LGSN: variants seen among roughly 807,000 people sequenced by gnomAD.
The protein encoded by LGSN is lengsin.
In LGSN, 21 loss-of-function variants were observed where a neutral mutation model predicts 19.5. The ratio of observed to expected loss-of-function variants is 1.07; its 90% CI spans 0.76 to 1.55. The LOEUF is 1.55. Among genes scored for constraint, LGSN ranks in the 40% most tolerant of loss-of-function variants. LGSN has a pLI of 0.00. For missense variants in LGSN, 673 were observed against 608.5 expected (o/e 1.11, Z -1.12); for synonymous variants, 257 against 215.6 (o/e 1.19, Z -1.68).
the LGSN span, among the ~76,000 whole-genome samples, chr6:63,490,371 C>T: frequency 2.0e-5 from 3 of 152,106 alleles, no homozygotes; most frequent in South Asian, 6.2e-4. Flanking sequence ...GGAGAGATTG[C>T]CAACAGATGA....
At chr6:63,423,308 C>T in the LGSN span, among the ~76,000 whole-genome samples, 4 of 152,174 alleles carry the variant, frequency 2.6e-5, no homozygotes, top group South Asian at 8.3e-4. Flanking sequence ...TGTGTCACTG[C>T]ACTCCAGCCT....
chr6:63,454,793 CTTTTTT>C, the LGSN span, among the ~76,000 whole-genome samples: 15 of 91,742 alleles, frequency 1.6e-4, no homozygotes, highest in Non-Finnish European at 2.2e-4. Context: ...TTTTCTTTTT[CTTTTTT>C]TTTTTTTTTT....
At chr6:63,534,819 T>TCTTTAGTAAAGAATTTCATAAAGAATTG in the LGSN span, among the ~76,000 whole-genome samples, 1 of 152,032 alleles carries the variant, frequency 6.6e-6, no homozygotes, top group Non-Finnish European at 1.5e-5. Flanking sequence ...ATAAAGAATT[T>TCTTTAGTAAAGAATTTCATAAAGAATTG]CTTTACTAAA....
the LGSN span, among the ~76,000 whole-genome samples, chr6:63,522,409 G>A: frequency 6.6e-6 from 1 of 152,154 alleles, no homozygotes; most frequent in Non-Finnish European, 1.5e-5. Context: ...AGTCCCTGCA[G>A]GAGATAATTT....
the LGSN span, among the ~76,000 whole-genome samples, chr6:63,364,159 T>C: frequency 2.0e-5 from 3 of 152,110 alleles, no homozygotes; most frequent in South Asian, 2.1e-4. Context: ...TCAAGACCCA[T>C]CAGTGTGCTG....
chr6:63,394,581 G>A, the LGSN span, among the ~76,000 whole-genome samples: 3 of 152,180 alleles, frequency 2.0e-5, no homozygotes, highest in African/African-American at 4.8e-5. Context: ...AGAAATAACC[G>A]TAAAAATAAC....
chr6:63,348,743 T>TC, the LGSN span, among the ~76,000 whole-genome samples: 3 of 140,778 alleles, frequency 2.1e-5, no homozygotes, highest in Admixed American at 7.0e-5. Context: ...GATTTTTACT[T>TC]TTTTTTTTTT....
At chr6:63,512,234 C>A in the LGSN span, among the ~76,000 whole-genome samples, 1 of 152,280 alleles carries the variant, frequency 6.6e-6, no homozygotes, top group East Asian at 1.9e-4. Flanking sequence ...AGGCATGTGC[C>A]ACAGCTGCCA....
the LGSN span, among the ~76,000 whole-genome samples, chr6:63,347,799 G>A: frequency 6.6e-6 from 1 of 152,138 alleles, no homozygotes; most frequent in Non-Finnish European, 1.5e-5. Context: ...AATGACTAAT[G>A]TTTCTGCAGC....
chr6:63,457,353 A>C, the LGSN span, among the ~76,000 whole-genome samples: 2 of 151,974 alleles, frequency 1.3e-5, no homozygotes, highest in South Asian at 4.1e-4. Flanking sequence ...AAAAATACAA[A>C]ATTTAGCCAG....
At chr6:63,309,644 T>C (rs1163344347) in intron 1 of LGSN, among the ~76,000 whole-genome samples, 1 of 152,212 alleles carries the variant, frequency 6.6e-6, no homozygotes, top group Non-Finnish European at 1.5e-5. Flanking sequence ...AAAGTATGTA[T>C]ACATTATGGA....
At chr6:63,549,058 T>C in the LGSN span, 2 of 720,396 alleles carry the variant, frequency 2.8e-6, no homozygotes, top group Admixed American at 3.9e-5. Context: ...GGCTGAGCTT[T>C]CTTATTCTCT....
chr6:63,508,926 GAA>G, the LGSN span, among the ~76,000 whole-genome samples: 69,824 of 118,054 alleles, frequency 0.59, 18,674 homozygotes, highest in African/African-American at 0.76. Flanking sequence ...TCTCAAAAAA[GAA>G]AAAAAAAAAA....
chr6:63,400,151 A>G, the LGSN span, among the ~76,000 whole-genome samples: 1 of 152,208 alleles, frequency 6.6e-6, no homozygotes. Context: ...AATAGATGTT[A>G]GTTGAATCAA....
At chr6:63,480,940 GATATATATATATATATATATATATAT>G in the LGSN span, among the ~76,000 whole-genome samples, 25 of 59,896 alleles carry the variant, frequency 4.2e-4, no homozygotes, top group African/African-American at 6.7e-4. Context: ...TAAAGAAAAT[GATATATATATATATATATATATATAT>G]ATATATATAT....
chr6:63,454,122 A>T, the LGSN span, among the ~76,000 whole-genome samples: 1 of 152,094 alleles, frequency 6.6e-6, no homozygotes, highest in Non-Finnish European at 1.5e-5. Context: ...CTTCTCAAAT[A>T]TGTTCAGATT....
the LGSN span, among the ~76,000 whole-genome samples, chr6:63,331,745 G>A: frequency 6.6e-6 from 1 of 152,128 alleles, no homozygotes. Context: ...AGACCACATG[G>A]AGGACCGAGG....
chr6:63,395,245 A>G, the LGSN span: 5 of 152,276 alleles, frequency 3.3e-5, no homozygotes, highest in Admixed American at 6.5e-5. Flanking sequence ...CTTTTTATAT[A>G]CTTATATAAA....
chr6:63,380,757 T>C, the LGSN span, among the ~76,000 whole-genome samples: 3 of 152,250 alleles, frequency 2.0e-5, no homozygotes, highest in African/African-American at 7.2e-5. Flanking sequence ...GCCTTTTATA[T>C]GCATGTTTTT....
Sources: allele counts gnomAD v4.1 joint callset (sites outside exome capture counted in the v4.1 genomes callset), GRCh38; gene constraint gnomAD v4.1.1; transcripts MANE v1.5; gene names NCBI Gene and HGNC (gene_info 2026-07-23, HGNC 2026-07-21).